ARID1B: variants seen among roughly 807,000 people sequenced by gnomAD.
The protein encoded by ARID1B is AT-rich interaction domain 1B.
In ARID1B, 30 loss-of-function variants were observed where a neutral mutation model predicts 212.3. The observed-to-expected ratio is 0.14, with a 90% CI of 0.11 to 0.19. The LOEUF (loss-of-function observed/expected upper bound fraction) is 0.19. ARID1B is among the 10% of genes least tolerant of loss of function. The pLI is 1.00. For synonymous variants in ARID1B, 1,402 were observed against 1,301.7 expected, an observed-to-expected ratio of 1.08 and a Z score of -1.66; for missense variants, 2,891 against 3,204.0, an observed-to-expected ratio of 0.90 and a Z score of 2.36.
At chr6:157,113,930 A>G (rs924758695) in intron 6 of ARID1B, among the ~76,000 whole-genome samples, 5 of 152,240 alleles carry the variant, frequency 3.3e-5, no homozygotes, top group African/African-American at 1.2e-4. Flanking sequence ...AGCTCCTAAT[A>G]ACCTTTGATC....
chr6:157,016,297 T>C (rs1779916419), intron 4 of ARID1B, among the ~76,000 whole-genome samples: 1 of 152,172 alleles, frequency 6.6e-6, no homozygotes, highest in Non-Finnish European at 1.5e-5. Context: ...CAATTGCAAA[T>C]AGGTGCCACC....
chr6:156,850,367 A>G (rs1355481242), intron 2 of ARID1B, among the ~76,000 whole-genome samples: 1 of 152,106 alleles, frequency 6.6e-6, no homozygotes, highest in African/African-American at 2.4e-5. Context: ...TCTCACATGA[A>G]ATTGTGTAAA....
intron 4 of ARID1B, among the ~76,000 whole-genome samples, chr6:157,007,889 G>A (rs2128446416): frequency 6.6e-6 from 1 of 152,198 alleles, no homozygotes; most frequent in East Asian, 1.9e-4. Context: ...TGTTAGCCAG[G>A]ATGGTCTCGA....
At chr6:156,953,298 G>A (rs1010725631) in intron 4 of ARID1B, among the ~76,000 whole-genome samples, 5 of 152,218 alleles carry the variant, frequency 3.3e-5, no homozygotes, top group Non-Finnish European at 5.9e-5. Context: ...GACTACTGGT[G>A]CTTAAAACGG....
intron 7 of ARID1B, among the ~76,000 whole-genome samples, chr6:157,147,131 A>C (rs1265280151): frequency 6.6e-6 from 1 of 151,888 alleles, no homozygotes; most frequent in Admixed American, 6.5e-5. Flanking sequence ...CCTTTGATTT[A>C]CTTGAATCTA....
chr6:156,886,586 G>A (rs995133529), intron 2 of ARID1B, among the ~76,000 whole-genome samples: 2 of 152,000 alleles, frequency 1.3e-5, no homozygotes, highest in Non-Finnish European at 2.9e-5. Flanking sequence ...TTTCACTTCC[G>A]TTTAATGACT....
rs187043280 is a variant in ARID1B at position 157,045,996 on chromosome 6, C to G, written c.2248-38666C>G. On this transcript the variant is annotated intron_variant, in intron 4 of 19. Coordinates refer to ENST00000636930, the MANE Select transcript of ARID1B (RefSeq NM_001374828.1). ...GGAATCCAGGAATCCATATTGAGCT[C>G]TTCTCTTCTTTTGTTAGAAAATTTC... Among the ~76,000 whole-genome samples, 331 of 152,254 alleles carry G rather than the reference C, an allele frequency of 2.2e-3. 1 individual carries two copies. The highest frequency in any genetic ancestry group is 0.012 in the South Asian group (60 of 4,824).
chr6:157,039,670 C>CTTCCTTCCTTCCTTCTTTCTTTCT (rs1562569175), intron 4 of ARID1B, among the ~76,000 whole-genome samples: 4 of 55,306 alleles, frequency 7.2e-5, no homozygotes, highest in African/African-American at 3.4e-4. Flanking sequence ...TCCTTCCTTC[C>CTTCCTTCCTTCCTTCTTTCTTTCT]TTCCTTCCTT....
At chr6:156,808,697 TAAA>T (rs1383508380) in intron 1 of ARID1B, among the ~76,000 whole-genome samples, 1 of 152,196 alleles carries the variant, frequency 6.6e-6, no homozygotes, top group African/African-American at 2.4e-5. Context: ...AAATTGAAAA[TAAA>T]AACATTATCT....
chr6:156,824,538 G>A (rs1446434630), intron 1 of ARID1B, among the ~76,000 whole-genome samples: 6 of 152,202 alleles, frequency 3.9e-5, no homozygotes, highest in Non-Finnish European at 8.8e-5. Context: ...GTCGAGGCAG[G>A]CGAATCACTT....
chr6:157,084,634 T>A (rs1346576154), intron 4 of ARID1B, 28 bp from the exon 5 acceptor site: 1 of 1,609,802 alleles, frequency 6.2e-7, no homozygotes, highest in Non-Finnish European at 8.5e-7. Context: ...AACGTGTCAC[T>A]CTATAAATAC....
At chr6:156,864,348 T>C (rs1785536404) in intron 2 of ARID1B, among the ~76,000 whole-genome samples, 1 of 152,214 alleles carries the variant, frequency 6.6e-6, no homozygotes. Flanking sequence ...GCAGTGAGTA[T>C]ACCTTCCATG....
At chr6:156,974,442 G>A (rs1000159425) in intron 4 of ARID1B, among the ~76,000 whole-genome samples, 2 of 152,164 alleles carry the variant, frequency 1.3e-5, no homozygotes, top group African/African-American at 4.8e-5. Context: ...AAAGCCAATT[G>A]TGTAGAGGTA....
chr6:157,086,314 T>C (rs980160758), intron 5 of ARID1B, among the ~76,000 whole-genome samples: 1 of 152,250 alleles, frequency 6.6e-6, no homozygotes, highest in Non-Finnish European at 1.5e-5. Context: ...TTCAAAGATA[T>C]ATGTTTGTCC....
chr6:156,875,787 A>G (rs1439528510), intron 2 of ARID1B, among the ~76,000 whole-genome samples: 2 of 152,192 alleles, frequency 1.3e-5, no homozygotes, highest in Non-Finnish European at 2.9e-5. Context: ...GTTGTTTAAT[A>G]TTATAGAGGT....
At chr6:156,884,185 A>G (rs1488069842) in intron 2 of ARID1B, among the ~76,000 whole-genome samples, 1 of 152,358 alleles carries the variant, frequency 6.6e-6, no homozygotes, top group East Asian at 1.9e-4. Flanking sequence ...TCTGTGTTCA[A>G]GGTTTTGACA....
chr6:156,898,451 G>C (rs1394879302), intron 2 of ARID1B, among the ~76,000 whole-genome samples: 2 of 152,060 alleles, frequency 1.3e-5, no homozygotes, highest in African/African-American at 4.8e-5. Context: ...AGAATGCCCT[G>C]ATGGCCTGTG....
chr6:157,051,357 G>T (rs557808302), intron 4 of ARID1B, among the ~76,000 whole-genome samples: 3 of 152,112 alleles, frequency 2.0e-5, no homozygotes, highest in African/African-American at 2.4e-5. Flanking sequence ...TGAGCACAAC[G>T]AAACTAGATC....
At chr6:157,060,237 G>A (rs1031619933) in intron 4 of ARID1B, among the ~76,000 whole-genome samples, 1 of 152,126 alleles carries the variant, frequency 6.6e-6, no homozygotes, top group East Asian at 1.9e-4. Context: ...ATAGCATAGC[G>A]CCTCTCAGCT....
Sources: allele counts gnomAD v4.1 joint callset (sites outside exome capture counted in the v4.1 genomes callset), GRCh38; gene constraint gnomAD v4.1.1; transcripts MANE v1.5; gene names NCBI Gene and HGNC (gene_info 2026-07-23, HGNC 2026-07-21).